COL6A6: variants seen among roughly 807,000 people sequenced by gnomAD.
COL6A6 encodes collagen type VI alpha 6 chain.
Under a neutral mutation model 208.6 loss-of-function variants are expected in COL6A6, and 183 were observed. The ratio of observed to expected loss-of-function variants is 0.88; its 90% CI spans 0.78 to 0.99. The LOEUF is 0.99. Among genes scored for constraint, COL6A6 ranks in the 50% least tolerant of loss-of-function variants. The probability of loss-of-function intolerance (pLI) is 0.00; values close to 1 mark genes in which losing one functional copy is unlikely to be tolerated. For synonymous variants in COL6A6, 973 were observed against 1,011.8 expected, an observed-to-expected ratio of 0.96 and a Z score of 0.73; for missense variants, 2,816 against 2,815.2, an observed-to-expected ratio of 1.00 and a Z score of -0.01.
Position 130,587,386 on chromosome 3 carries a change from C to T in COL6A6, c.4125+726C>T, listed in dbSNP as rs766652488. Among the ~76,000 whole-genome samples, 4 of 152,280 alleles carry T rather than the reference C, an allele frequency of 2.6e-5. 1 individual carries two copies. In the South Asian group the frequency reaches 6.2e-4, roughly 24 times the overall value. ...AGCAATTCTCCCTGCCTCAGCCTCC[C>T]GAGTAGCTGGGATTACCGGCGCCCG... On this transcript the variant is annotated intron_variant, in intron 11 of 36. Transcript: ENST00000358511.
At chr3:130,614,936 T>G (rs1036056671) in intron 23 of COL6A6, among the ~76,000 whole-genome samples, 1 of 152,172 alleles carries the variant, frequency 6.6e-6, no homozygotes, top group East Asian at 1.9e-4. Flanking sequence ...TAGTCTATCT[T>G]ATTTTGGCAA....
intron 21 of COL6A6, 108 bp downstream of exon 21, chr3:130,607,074 G>C: frequency 1.2e-6 from 1 of 822,086 alleles, no homozygotes; most frequent in Non-Finnish European, 1.9e-6. Flanking sequence ...GATGATATTG[G>C]TTATGGAATA....
At chr3:130,647,497 C>T (rs555592658) in intron 32 of COL6A6, among the ~76,000 whole-genome samples, 7 of 152,202 alleles carry the variant, frequency 4.6e-5, no homozygotes, top group Non-Finnish European at 1.0e-4. Context: ...AAAATCTGTT[C>T]AGCCCAGTAA....
chr3:130,586,503 T>G lies in COL6A6; in HGVS notation c.3971-3T>G. 1 of 1,610,366 alleles carries G rather than the reference T, an allele frequency of 6.2e-7. No individual in the cohort carries two copies. The highest frequency in any genetic ancestry group is 8.5e-7 in the Non-Finnish European group (1 of 1,178,760). ...CTGGAACATTGTAAACTGTGTTGGA[T>G]AGGCCTGAATGCCCTCATAACTGTT... On this transcript the variant is annotated splice_region_variant and splice_polypyrimidine_tract_variant and intron_variant, in intron 10 of 36. Transcript: ENST00000358511.
intron 8 of COL6A6, among the ~76,000 whole-genome samples, chr3:130,575,940 C>T (rs956802578): frequency 6.6e-6 from 1 of 151,986 alleles, no homozygotes; most frequent in Non-Finnish European, 1.5e-5. Flanking sequence ...TCCAGAGTGT[C>T]CCTTATGCCT....
At position 130,533,177 on chromosome 3, in the gene COL6A6, A is replaced by G. The variant is rs1177169209; in HGVS notation, c.-32+15780A>G. Among the ~76,000 whole-genome samples, 16 of 149,350 alleles carry G rather than the reference A, an allele frequency of 1.1e-4. No individual in the cohort carries two copies. The East Asian group carries it at 3.1e-3, about 29-fold the overall frequency. On this transcript the variant is annotated intron_variant, in intron 1 of 36. Transcript: ENST00000358511. ...GCAGTGGCAAAGAAATAGCGGCCAT[A>G]TTTTACCGTATTTTCTAACAAGTGC...
intron 1 of COL6A6, among the ~76,000 whole-genome samples, chr3:130,521,815 C>T (rs934119537): frequency 1.3e-5 from 2 of 152,204 alleles, no homozygotes; most frequent in African/African-American, 2.4e-5. Context: ...CCCACTTTCT[C>T]ACATCTTAGG....
intron 22 of COL6A6, 88 bp from the exon 23 acceptor site, chr3:130,610,561 T>C (rs1039708364): frequency 1.1e-5 from 11 of 973,550 alleles, no homozygotes; most frequent in Non-Finnish European, 1.7e-5. Flanking sequence ...TCCATGTTAC[T>C]GACTTAGTAT....
chr3:130,615,439 T>C (rs1560069627), intron 23 of COL6A6, among the ~76,000 whole-genome samples: 2 of 152,142 alleles, frequency 1.3e-5, no homozygotes, highest in Non-Finnish European at 2.9e-5. Flanking sequence ...GAGTTCTCTA[T>C]ATGTCTATTA....
Position 130,670,260 on chromosome 3 carries a change from C to T in COL6A6, c.6597-4942C>T, listed in dbSNP as rs557476005. Reference sequence around the variant, plus strand: ...AAGATGCCGTGCATGTGACTCTTGCCGAGGACAGTATCTTTGGCATGGAGG... The same window carrying T: ...AAGATGCCGTGCATGTGACTCTTGCTGAGGACAGTATCTTTGGCATGGAGG... On this transcript the variant is annotated intron_variant, in intron 36 of 36. Transcript: ENST00000358511. Among the ~76,000 whole-genome samples the T allele has an allele frequency of 1.1e-4, 16 of 152,234 alleles. No individual in the cohort carries two copies. In the South Asian group the frequency reaches 2.3e-3, roughly 22 times the overall value.
intron 18 of COL6A6, among the ~76,000 whole-genome samples, chr3:130,595,522 G>C (rs1461670391): frequency 1.3e-5 from 2 of 152,086 alleles, no homozygotes; most frequent in African/African-American, 2.4e-5. Flanking sequence ...CTATTAATTA[G>C]TTTTATGTGT....
intron 20 of COL6A6, among the ~76,000 whole-genome samples, chr3:130,600,524 A>G (rs1219016678): frequency 6.6e-6 from 1 of 152,230 alleles, no homozygotes; most frequent in African/African-American, 2.4e-5. Context: ...ACCATGGAAT[A>G]CTATGCAGCC....
intron 19 of COL6A6, among the ~76,000 whole-genome samples, chr3:130,599,214 T>C (rs2063934587): frequency 6.6e-6 from 1 of 152,186 alleles, no homozygotes; most frequent in Admixed American, 6.5e-5. Context: ...TTATCTGCCA[T>C]TATTAGTAAG....
rs777327668 is a variant in COL6A6, at chr3:130,560,389, G to C, written c.25G>C (p.Val9Leu). The C allele has an allele frequency of 5.0e-6, 8 of 1,611,214 alleles. No homozygotes were observed. Among genetic ancestry groups the C allele is most frequent in the Admixed American group, 1.7e-5 (1 of 59,732 alleles). Residue 9 changes from valine to leucine, a missense_variant, in exon 2 of 37, where the codon GTG (valine) becomes CTG (leucine). Coordinates refer to ENST00000358511, the MANE Select transcript of COL6A6 (RefSeq NM_001102608.3). ...TATGATGTTGCTAATTTTGTTCCTCGTGATAATTTGTTCCCATATTTCTGT... is the reference window on the plus strand; with the variant it reads ...TATGATGTTGCTAATTTTGTTCCTCCTGATAATTTGTTCCCATATTTCTGT... MMLLILFL[V>L]IICSHISVNQ...
chr3:130,591,040 G>T lies in COL6A6; in HGVS notation c.4219-1G>T, dbSNP rs764656876. On this transcript the variant is annotated splice_acceptor_variant, in intron 12 of 36. Transcript: ENST00000358511. LOFTEE classifies it high-confidence loss of function. Reference sequence around the variant, plus strand: ...TGTTTTCTTCCTTTTCTTATTTCCAGGGACCTCCAGGTTTTAAAGGCAGTG... The same window carrying T: ...TGTTTTCTTCCTTTTCTTATTTCCATGGACCTCCAGGTTTTAAAGGCAGTG... The T allele has an allele frequency of 6.4e-7, 1 of 1,573,960 alleles. No individual in the cohort carries two copies. Among genetic ancestry groups the T allele is most frequent in the South Asian group, 1.2e-5 (1 of 85,644 alleles).
At chr3:130,591,011 C>T in intron 12 of COL6A6, 30 bp from the exon 13 acceptor site, 3 of 1,540,606 alleles carry the variant, frequency 1.9e-6, no homozygotes, top group Non-Finnish European at 2.6e-6. Context: ...TCCATAGATG[C>T]AAATGTTTTC....
chr3:130,624,066 CGAG>C (rs2064815473), intron 24 of COL6A6, among the ~76,000 whole-genome samples: 1 of 151,598 alleles, frequency 6.6e-6, no homozygotes, highest in Non-Finnish European at 1.5e-5. Flanking sequence ...GAGAAATGTG[CGAG>C]GAGAAAATGG....
chr3:130,618,855 G>T (rs766648094), intron 23 of COL6A6, among the ~76,000 whole-genome samples: 4 of 152,162 alleles, frequency 2.6e-5, no homozygotes, highest in Non-Finnish European at 5.9e-5. Context: ...TGTGTTTGAG[G>T]TAACTACACA....
intron 20 of COL6A6, among the ~76,000 whole-genome samples, chr3:130,601,332 A>AT (rs34436150): frequency 0.12 from 17,856 of 152,010 alleles, 1,238 homozygotes; most frequent in South Asian, 0.23. Context: ...ATCGAAAAAT[A>AT]TTTTTTTTAT....
Sources: allele counts gnomAD v4.1 joint callset (sites outside exome capture counted in the v4.1 genomes callset), GRCh38; gene constraint gnomAD v4.1.1; transcripts MANE v1.5; gene names NCBI Gene and HGNC (gene_info 2026-07-23, HGNC 2026-07-21).